The following PTPRD variants were observed in gnomAD, a reference collection of about 807,000 sequenced individuals.
The protein encoded by PTPRD is receptor-type tyrosine-protein phosphatase delta.
In PTPRD, 34 loss-of-function variants were observed where a neutral mutation model predicts 214.5. The observed-to-expected ratio is 0.16, with a 90% CI of 0.12 to 0.21. The LOEUF (loss-of-function observed/expected upper bound fraction) is 0.21. PTPRD is among the 10% of genes least tolerant of loss of function. The pLI, the probability that PTPRD is intolerant of heterozygous loss-of-function variation, is 1.00. For missense variants in PTPRD, 2,545 were observed against 2,398.7 expected (o/e 1.06, Z -1.27); for synonymous variants, 1,128 against 845.7 (o/e 1.33, Z -5.79).
intron 5 of PTPRD, among the ~76,000 whole-genome samples, chr9:9,888,568 T>A (rs926677787): frequency 6.6e-6 from 1 of 152,050 alleles, no homozygotes; most frequent in South Asian, 2.1e-4. Context: ...GGAGAGCCAA[T>A]TGTTAAAAAT....
chr9:9,845,625 C>G (rs1448255231), intron 5 of PTPRD, among the ~76,000 whole-genome samples: 1 of 151,900 alleles, frequency 6.6e-6, no homozygotes, highest in African/African-American at 2.4e-5. Flanking sequence ...ATGTCCTATT[C>G]TCTAAGATAT....
At position 9,352,949 on chromosome 9, in the gene PTPRD, G is replaced by T. The variant is rs549989302; in HGVS notation, c.-203+44500C>A. Among the ~76,000 whole-genome samples, 3 of 152,066 alleles carry T rather than the reference G, an allele frequency of 2.0e-5. No homozygotes were observed. The East Asian group carries it at 5.8e-4, about 30-fold the overall frequency. ...TAATAACTCTAATGGATACAAAAGA[G>T]AAAACACTCCTCATTACTTGTACTG... On this transcript the variant is annotated intron_variant, in intron 9 of 45. Coordinates refer to ENST00000381196, the MANE Select transcript of PTPRD (RefSeq NM_002839.4).
chr9:8,421,634 G>T (rs1056373956), intron 35 of PTPRD, among the ~76,000 whole-genome samples: 2 of 152,088 alleles, frequency 1.3e-5, no homozygotes, highest in African/African-American at 4.8e-5. Flanking sequence ...TTGTACTCAA[G>T]CCTCAAGCTG....
chr9:10,328,373 G>C (rs1262391492), intron 3 of PTPRD, among the ~76,000 whole-genome samples: 1 of 151,662 alleles, frequency 6.6e-6, no homozygotes, highest in East Asian at 1.9e-4. Context: ...AAACTGGTAG[G>C]GGGGTTTCTG....
intron 11 of PTPRD, among the ~76,000 whole-genome samples, chr9:9,011,040 T>C (rs1246415011): frequency 6.6e-6 from 1 of 152,202 alleles, no homozygotes. Context: ...ATAATTTAGA[T>C]TGCCCTAGTT....
intron 32 of PTPRD, among the ~76,000 whole-genome samples, chr9:8,461,255 T>C (rs891487017): frequency 6.6e-6 from 1 of 152,072 alleles, no homozygotes; most frequent in Non-Finnish European, 1.5e-5. Context: ...ATATAGAATT[T>C]TTAGAACTTA....
intron 14 of PTPRD, among the ~76,000 whole-genome samples, chr9:8,610,141 G>T (rs537291712): frequency 2.8e-5 from 4 of 142,576 alleles, no homozygotes; most frequent in African/African-American, 1.2e-4. Flanking sequence ...TTTGTTAAGT[G>T]ATCTTTATCA....
At chr9:9,007,164 G>GT (rs1342979116) in intron 11 of PTPRD, among the ~76,000 whole-genome samples, 1 of 151,764 alleles carries the variant, frequency 6.6e-6, no homozygotes, top group African/African-American at 2.4e-5. Context: ...ATTTCAAACT[G>GT]TGATGAGGTT....
intron 2 of PTPRD, among the ~76,000 whole-genome samples, chr9:10,604,179 TCTGACCATA>T (rs2078702902): frequency 1.5e-3 from 1 of 682 alleles, no homozygotes; most frequent in South Asian, 0.12. Context: ...TCTGACCTAT[TCTGACCATA>T]TTCTGACCTA....
At chr9:10,591,606 T>A (rs1201366208) in intron 2 of PTPRD, among the ~76,000 whole-genome samples, 1 of 152,034 alleles carries the variant, frequency 6.6e-6, no homozygotes, top group Non-Finnish European at 1.5e-5. Context: ...GAAAACGAGG[T>A]CACACCTTGA....
chr9:10,484,738 G>A (rs7026028), intron 2 of PTPRD, among the ~76,000 whole-genome samples: 28,143 of 151,832 alleles, frequency 0.19, 3,236 homozygotes, highest in East Asian at 0.39. Context: ...CTATATAGTT[G>A]TTTGAGCTCC....
intron 3 of PTPRD, among the ~76,000 whole-genome samples, chr9:10,142,791 C>G (rs200547028): frequency 6.8e-6 from 1 of 147,248 alleles, no homozygotes; most frequent in African/African-American, 2.5e-5. Context: ...ACCCAAAGGA[C>G]TATAAATCAT....
chr9:9,817,182 A>G (rs2049043426), intron 5 of PTPRD, among the ~76,000 whole-genome samples: 1 of 152,136 alleles, frequency 6.6e-6, no homozygotes, highest in African/African-American at 2.4e-5. Context: ...TAAATTAATC[A>G]TGACTGTGTA....
intron 8 of PTPRD, among the ~76,000 whole-genome samples, chr9:9,522,330 C>A (rs2096999789): frequency 6.6e-6 from 1 of 151,988 alleles, no homozygotes; most frequent in African/African-American, 2.4e-5. Context: ...AGCTAAAGCC[C>A]ATAGTAGATG....
At chr9:10,449,982 A>G (rs989708730) in intron 2 of PTPRD, among the ~76,000 whole-genome samples, 2 of 151,692 alleles carry the variant, frequency 1.3e-5, no homozygotes, top group African/African-American at 4.9e-5. Context: ...GTGTCCACTC[A>G]GGGTTAAATG....
At chr9:9,064,827 G>C (rs1213500479) in intron 10 of PTPRD, among the ~76,000 whole-genome samples, 2 of 152,136 alleles carry the variant, frequency 1.3e-5, no homozygotes, top group Non-Finnish European at 2.9e-5. Flanking sequence ...TATAGGATTT[G>C]GAAGAAATTA....
intron 14 of PTPRD, among the ~76,000 whole-genome samples, chr9:8,560,402 C>G (rs902699584): frequency 2.7e-5 from 4 of 150,394 alleles, no homozygotes; most frequent in Admixed American, 2.0e-4. Flanking sequence ...TAGACAGAGG[C>G]AAGTCAAATG....
intron 2 of PTPRD, among the ~76,000 whole-genome samples, chr9:10,361,587 C>G (rs1387833897): frequency 6.6e-6 from 1 of 152,060 alleles, no homozygotes; most frequent in Admixed American, 6.5e-5. Flanking sequence ...TCAAAATGCA[C>G]AGAGAATCAG....
intron 3 of PTPRD, among the ~76,000 whole-genome samples, chr9:10,128,574 G>A (rs1293874113): frequency 1.3e-5 from 2 of 152,100 alleles, no homozygotes; most frequent in South Asian, 4.1e-4. Flanking sequence ...CCAGAACTGC[G>A]AGACCATAAA....
Sources: gnomAD v4.1 joint callset for allele counts (sites outside exome capture counted in the v4.1 genomes callset) on GRCh38, gnomAD v4.1.1 for gene constraint, MANE v1.5 for transcripts, NCBI Gene and HGNC (gene_info 2026-07-23, HGNC 2026-07-21) for gene names.